PCNX1: variants seen among roughly 807,000 people sequenced by gnomAD.
PCNX1 encodes pecanex 1, also known as pecanex-like protein 1.
Under a neutral mutation model 242.2 loss-of-function variants are expected in PCNX1, and 78 were observed. That is an observed-to-expected ratio of 0.32 (90% CI 0.27 to 0.39). The LOEUF (loss-of-function observed/expected upper bound fraction) is 0.39, where lower values mean the gene tolerates loss of function less well. PCNX1 is among the 10% of genes least tolerant of loss of function. PCNX1 has a pLI of 1.00. For synonymous variants in PCNX1, 1,024 were observed against 1,032.9 expected (o/e 0.99, Z 0.17); for missense variants, 2,581 against 2,856.5 (o/e 0.90, Z 2.20).
chr14:71,037,613 C>A (rs1489299651), intron 19 of PCNX1, among the ~76,000 whole-genome samples: 1 of 150,408 alleles, frequency 6.6e-6, no homozygotes. Flanking sequence ...ATATATTGAA[C>A]CAGCCTTGCA....
chr14:71,008,528 C>T (rs1011685115), intron 8 of PCNX1, among the ~76,000 whole-genome samples: 20 of 151,692 alleles, frequency 1.3e-4, no homozygotes, highest in Non-Finnish European at 2.4e-4. Flanking sequence ...TGGTGGCGGG[C>T]GCCTGTAGTC....
intron 28 of PCNX1, among the ~76,000 whole-genome samples, chr14:71,083,219 C>G (rs1181571962): frequency 6.6e-6 from 1 of 152,330 alleles, no homozygotes; most frequent in East Asian, 1.9e-4. Context: ...GCAGAGAGAT[C>G]TGCTGTTAGT....
intron 26 of PCNX1, among the ~76,000 whole-genome samples, chr14:71,072,925 C>A (rs903331206): frequency 6.6e-6 from 1 of 152,198 alleles, no homozygotes; most frequent in Non-Finnish European, 1.5e-5. Flanking sequence ...TTTGGTCCTT[C>A]ATTTGATACA....
chr14:71,033,438 G>T lies in PCNX1; in HGVS notation c.3568G>T (p.Asp1190Tyr). 1 of 1,575,970 alleles carries T rather than the reference G, an allele frequency of 6.3e-7. No homozygotes were observed. The highest frequency in any genetic ancestry group is 8.7e-7 in the Non-Finnish European group (1 of 1,147,470). ...ATTCATTTTTCCGCAGGATTCTTGG[G>T]ATGGCCAGCATATTCCAGTACTTTT... ...LCYGALKDSW[D>Y]GQHIPVLFSI... is the part of the protein sequence containing the mutation. The change falls in exon 17 of 36, where the codon GAT becomes TAT. Residue 1190 changes from aspartate (D) to tyrosine (Y), a missense_variant. Asp to Tyr is a radical substitution (Grantham distance 160). Coordinates refer to ENST00000304743, the MANE Select transcript of PCNX1 (RefSeq NM_014982.3).
rs373183947 is a variant in PCNX1, at chr14:71,056,823, C to T, written c.4637-686C>T. On this transcript the variant is annotated intron_variant, in intron 25 of 35. Transcript: ENST00000304743. Reference sequence around the variant, plus strand: ...CCTCCCATGTAGCTGGGATTACAGGCGTGCACCATGATGCCCAGCTAATTT... The same window carrying T: ...CCTCCCATGTAGCTGGGATTACAGGTGTGCACCATGATGCCCAGCTAATTT... Among the ~76,000 whole-genome samples, 344 of 152,054 alleles carry T rather than the reference C, an allele frequency of 2.3e-3. 12 individuals are homozygous for T. In the South Asian group the frequency reaches 0.06, roughly 26 times the overall value.
rs557621407 is a variant in PCNX1 at position 71,059,280 on chromosome 14, A to T, written c.4852+1556A>T. On this transcript the variant is annotated intron_variant, in intron 26 of 35. Transcript: ENST00000304743. ...ATCTTTTGCTATCTAAATGCTAATT[A>T]TTTGCCAATCAAAACTCAAATTTGA... is the stretch of plus-strand genomic sequence containing the variant. Among the ~76,000 whole-genome samples, 358 of 152,246 alleles carry T rather than the reference A, an allele frequency of 2.4e-3. 1 individual carries two copies. The highest frequency in any genetic ancestry group is 8.1e-3 in the African/African-American group (335 of 41,552).
intron 11 of PCNX1, 67 bp downstream of exon 11, chr14:71,013,269 A>G: frequency 1.6e-6 from 2 of 1,220,038 alleles, no homozygotes; most frequent in Non-Finnish European, 1.2e-6. Flanking sequence ...GTCTTTAATT[A>G]CCCACTGAGG....
chr14:70,931,898 C>T lies in PCNX1; in HGVS notation c.154-15017C>T, dbSNP rs911694079. ...CAGCACTTTGGGAGGCCAAGGCGGG[C>T]GGATCGCCTGAGGTCGGGAGTTCCA... On this transcript the variant is annotated intron_variant, in intron 1 of 35. Coordinates refer to ENST00000304743, the MANE Select transcript of PCNX1 (RefSeq NM_014982.3). Among the ~76,000 whole-genome samples the T allele has an allele frequency of 2.8e-4, 43 of 152,164 alleles. 1 individual carries two copies. The highest frequency in any genetic ancestry group is 2.8e-4 in the Non-Finnish European group (19 of 68,034).
intron 11 of PCNX1, among the ~76,000 whole-genome samples, chr14:71,016,678 A>T (rs1295055711): frequency 6.6e-6 from 1 of 152,202 alleles, no homozygotes; most frequent in Non-Finnish European, 1.5e-5. Context: ...TTTGGGCTAA[A>T]TGAAAGTGAA....
intron 30 of PCNX1, among the ~76,000 whole-genome samples, chr14:71,101,619 C>A (rs1262678331): frequency 6.6e-6 from 1 of 151,940 alleles, no homozygotes; most frequent in African/African-American, 2.4e-5. Flanking sequence ...AATATAGAGA[C>A]CTTTTATGTA....
At chr14:71,055,349 C>A (rs901487699) in intron 24 of PCNX1, among the ~76,000 whole-genome samples, 155 bp from the exon 25 acceptor site, 12 of 151,964 alleles carry the variant, frequency 7.9e-5, no homozygotes, top group Non-Finnish European at 1.6e-4. Flanking sequence ...TGTGCTAAGG[C>A]ATTTTATCAT....
intron 1 of PCNX1, among the ~76,000 whole-genome samples, chr14:70,910,040 T>C (rs1594861619): frequency 7.3e-5 from 4 of 54,512 alleles, no homozygotes; most frequent in African/African-American, 7.5e-5. Flanking sequence ...TCCCTCCTCC[T>C]CCTCCTCCTC....
intron 15 of PCNX1, 60 bp from the exon 16 acceptor site, chr14:71,028,640 T>A: frequency 1.0e-6 from 1 of 976,204 alleles, no homozygotes; most frequent in Admixed American, 2.2e-5. Context: ...TTCAGTGACC[T>A]TTTAATTATT....
rs1026473843 is a variant in PCNX1, at chr14:71,112,972, G to A, written c.*3037G>A. ...ACATTTTATAACTCCTAAGTTTTTG[G>A]TTAATCTTCCAACTTATACCTTGGT... On this transcript the variant is annotated 3_prime_UTR_variant, in exon 36 of 36. Coordinates refer to ENST00000304743, the MANE Select transcript of PCNX1 (RefSeq NM_014982.3). 3.9e-5 allele frequency: 6 copies of A among 151,900 alleles called. No homozygotes were observed. The highest frequency in any genetic ancestry group is 1.5e-4 in the African/African-American group (6 of 41,344). 9.4% of individuals were successfully genotyped at this position (151,900 alleles called of 1,614,324 possible). A position where few individuals can be genotyped will look rare whatever the true frequency, so the allele number is the denominator to read the frequency against.
At chr14:71,017,832 A>AAATTGGT (rs2059999257) in intron 11 of PCNX1, among the ~76,000 whole-genome samples, 1 of 152,208 alleles carries the variant, frequency 6.6e-6, no homozygotes, top group Non-Finnish European at 1.5e-5. Context: ...TGGAAATACT[A>AAATTGGT]TTGAACTTTT....
chr14:71,063,303 C>T (rs1488857643), intron 26 of PCNX1, among the ~76,000 whole-genome samples: 4 of 152,134 alleles, frequency 2.6e-5, no homozygotes, highest in Non-Finnish European at 5.9e-5. Flanking sequence ...AATATCAAAA[C>T]CATTCTAAGC....
At position 71,033,997 on chromosome 14, in the gene PCNX1, A is replaced by G; in HGVS notation, c.3735A>G (p.Glu1245=). The G allele has an allele frequency of 6.2e-7, 1 of 1,609,332 alleles. No individual in the cohort carries two copies. The highest frequency in any genetic ancestry group is 8.5e-7 in the Non-Finnish European group (1 of 1,176,948). Residue 1245 remains glutamate (E), a synonymous_variant, in exon 18 of 36, where the codon GAA becomes GAG. Coordinates refer to ENST00000304743, the MANE Select transcript of PCNX1 (RefSeq NM_014982.3). ...AAAATCCAGAAGACCCTCTATCTGAAGTAAAAGATCCACTGCCTGAAAAAC... is the reference window on the plus strand; with the variant it reads ...AAAATCCAGAAGACCCTCTATCTGAGGTAAAAGATCCACTGCCTGAAAAAC... ...EEKNPEDPLS[E]VKDPLPEKLR...
At chr14:70,957,946 C>G (rs186798507) in intron 2 of PCNX1, among the ~76,000 whole-genome samples, 2 of 152,210 alleles carry the variant, frequency 1.3e-5, no homozygotes, top group African/African-American at 4.8e-5. Context: ...TTCTTTGGAT[C>G]TCACTTAGAG....
At chr14:71,024,418 C>A (rs2060184314) in intron 13 of PCNX1, among the ~76,000 whole-genome samples, 1 of 152,032 alleles carries the variant, frequency 6.6e-6, no homozygotes, top group Non-Finnish European at 1.5e-5. Flanking sequence ...AGCTATCTTT[C>A]ATGATATTGA....
Sources: allele counts gnomAD v4.1 joint callset (sites outside exome capture counted in the v4.1 genomes callset), GRCh38; gene constraint gnomAD v4.1.1; transcripts MANE v1.5; gene names NCBI Gene and HGNC (gene_info 2026-07-23, HGNC 2026-07-21).